The following PTPN20 variants were observed in gnomAD, a reference collection of about 807,000 sequenced individuals.
The protein encoded by PTPN20 is tyrosine-protein phosphatase non-receptor type 20.
Under a neutral mutation model 35.0 loss-of-function variants are expected in PTPN20, and 9 were observed. The observed-to-expected ratio is 0.26, with a 90% CI of 0.15 to 0.45. PTPN20 has a LOEUF of 0.45. Ranked by LOEUF, PTPN20 falls within the 20% of genes least tolerant of loss-of-function variation. The pLI is 1.00. For synonymous variants in PTPN20, 32 were observed against 100.2 expected (o/e 0.32, Z 4.06); for missense variants, 111 against 312.5 (o/e 0.36, Z 4.86).
chr10:46,999,923 G>C lies in PTPN20; in HGVS notation c.1146G>C (p.Met382Ile). Residue 382 changes from methionine (M) to isoleucine (I), a missense_variant, in exon 10 of 11, where the codon ATG becomes ATC. Transcript: ENST00000374339. ...AIVKNCSFNI[M>I]DIVAQMREQR... ...TCATCTTATTACAGTTCAACATCATGGATATAGTGGCCCAAATGAGAGAAC... is the reference window on the plus strand; with the variant it reads ...TCATCTTATTACAGTTCAACATCATCGATATAGTGGCCCAAATGAGAGAAC... 1 of 1,613,642 alleles carries C rather than the reference G, an allele frequency of 6.2e-7. No individual in the cohort carries two copies. Among genetic ancestry groups the C allele is most frequent in the East Asian group, 2.2e-5 (1 of 44,864 alleles).
At chr10:46,932,205 A>G (rs1370791599) in intron 1 of PTPN20, among the ~76,000 whole-genome samples, 172 bp from the exon 2 acceptor site, 1 of 152,130 alleles carries the variant, frequency 6.6e-6, no homozygotes, top group Non-Finnish European at 1.5e-5. Context: ...GCGTATCTCC[A>G]GTTCTCAAGG....
At chr10:46,929,153 C>G (rs1418015147) in intron 1 of PTPN20, among the ~76,000 whole-genome samples, 1 of 69,166 alleles carries the variant, frequency 1.4e-5, no homozygotes, top group African/African-American at 7.9e-5. Context: ...TTCAGTGACT[C>G]TCCAATTATG....
rs1366707195 is a variant in PTPN20, at chr10:46,947,470, C to T, written c.340+795C>T. 1.5e-3 allele frequency among the ~76,000 whole-genome samples: 230 copies of T among 149,718 alleles called. 1 individual carries two copies. Among genetic ancestry groups the T allele is most frequent in the Middle Eastern group, 3.4e-3 (1 of 292 alleles). Reference sequence around the variant, plus strand: ...TTTATAAGAATATGCTTTTATAAAACGAGACATAATTTTTAATTAATTAAA... The same window carrying T: ...TTTATAAGAATATGCTTTTATAAAATGAGACATAATTTTTAATTAATTAAA... On this transcript the variant is annotated intron_variant, in intron 5 of 10. Coordinates refer to ENST00000374339, the MANE Select transcript of PTPN20 (RefSeq NM_001042357.5).
intron 9 of PTPN20, among the ~76,000 whole-genome samples, chr10:46,988,842 A>G (rs2057348172): frequency 1.3e-5 from 2 of 149,870 alleles, no homozygotes; most frequent in Admixed American, 1.3e-4. Flanking sequence ...AATTTATCCT[A>G]GGTGTTTTTT....
At chr10:46,949,139 C>T (rs1416016682) in intron 5 of PTPN20, among the ~76,000 whole-genome samples, 3 of 152,138 alleles carry the variant, frequency 2.0e-5, no homozygotes, top group African/African-American at 7.2e-5. Flanking sequence ...CTAAGTGGGG[C>T]TTTACGCATT....
intron 7 of PTPN20, among the ~76,000 whole-genome samples, chr10:46,982,254 A>G (rs1388580691): frequency 1.3e-5 from 2 of 151,550 alleles, no homozygotes; most frequent in African/African-American, 4.8e-5. Context: ...TATGAATATA[A>G]TAGCACCTCC....
intron 5 of PTPN20, among the ~76,000 whole-genome samples, chr10:46,960,581 C>G (rs1381542936): frequency 2.6e-5 from 4 of 151,812 alleles, no homozygotes; most frequent in Non-Finnish European, 4.4e-5. Flanking sequence ...TGCCTTTTCA[C>G]ACATTGATTA....
At chr10:46,995,684 C>G (rs2058973014) in intron 9 of PTPN20, among the ~76,000 whole-genome samples, 1 of 152,200 alleles carries the variant, frequency 6.6e-6, no homozygotes, top group African/African-American at 2.4e-5. Context: ...TTTCTTCAGG[C>G]ACATGTAGTG....
chr10:47,000,581 C>G, intron 10 of PTPN20, 95 bp from the exon 11 acceptor site: 1 of 1,459,938 alleles, frequency 6.8e-7, no homozygotes, highest in South Asian at 1.2e-5. Flanking sequence ...TAGGAACTTT[C>G]CAGTGTGGCT....
rs2056985390 is a variant in PTPN20 at position 46,987,525 on chromosome 10, C to CG, written c.1105dup (p.Val369GlyfsTer43). 8 of 46,164 alleles carry CG rather than the reference C, an allele frequency of 1.7e-4. No homozygotes were observed. The highest frequency in any genetic ancestry group is 2.9e-4 in the South Asian group (2 of 6,786). The allele number at this position is 46,164 out of a possible 1,614,324, so 2.9% of individuals were successfully genotyped here. A position where few individuals can be genotyped will look rare whatever the true frequency, so the allele number is the denominator to read the frequency against. ...CAGGGGTGTTCCTATGTGTGGATGT[C>CG]GTGTTCTGTGCCATCGTAAAGAACT... On this transcript the variant is annotated frameshift_variant, in exon 9 of 11. Transcript: ENST00000374339. LOFTEE classifies it high-confidence loss of function.
chr10:46,929,565 A>T (rs2038896678), intron 1 of PTPN20, among the ~76,000 whole-genome samples: 3 of 151,780 alleles, frequency 2.0e-5, no homozygotes, highest in Non-Finnish European at 2.9e-5. Flanking sequence ...TCTTTATGGA[A>T]TTTAACTAAT....
intron 1 of PTPN20, among the ~76,000 whole-genome samples, chr10:46,931,559 C>T (rs1292522757): frequency 1.4e-5 from 2 of 142,584 alleles, no homozygotes; most frequent in Non-Finnish European, 3.0e-5. Context: ...CCACACCCGT[C>T]TAATTTTTGT....
intron 2 of PTPN20, 45 bp from the exon 3 acceptor site, chr10:46,940,578 A>G (rs1183450951): frequency 1.6e-5 from 25 of 1,532,648 alleles, no homozygotes; most frequent in African/African-American, 2.8e-5. Flanking sequence ...TTCCTTCTGT[A>G]TAGTGTTTTC....
intron 9 of PTPN20, among the ~76,000 whole-genome samples, chr10:46,995,925 C>T (rs1340287901): frequency 2.0e-5 from 3 of 152,030 alleles, no homozygotes; most frequent in African/African-American, 4.8e-5. Context: ...GTCTTCTCCT[C>T]GTATTTGATT....
chr10:46,924,228 AG>A (rs2132526305), intron 1 of PTPN20, among the ~76,000 whole-genome samples: 1 of 120,474 alleles, frequency 8.3e-6, no homozygotes, highest in Admixed American at 8.8e-5. Context: ...CTGAGATTAC[AG>A]GTGCACGGCA....
At chr10:46,929,290 T>C (rs1430085677) in intron 1 of PTPN20, among the ~76,000 whole-genome samples, 1 of 131,408 alleles carries the variant, frequency 7.6e-6, no homozygotes, top group Non-Finnish European at 1.6e-5. Flanking sequence ...TGTTCCTCTT[T>C]CCTCAGTGCT....
At chr10:46,926,813 A>G (rs1174156577) in intron 1 of PTPN20, among the ~76,000 whole-genome samples, 3 of 151,724 alleles carry the variant, frequency 2.0e-5, no homozygotes, top group African/African-American at 2.4e-5. Context: ...CTGAATAACA[A>G]GGTATGGAAA....
intron 1 of PTPN20, among the ~76,000 whole-genome samples, chr10:46,928,489 T>A (rs1199722504): frequency 6.6e-6 from 1 of 152,200 alleles, no homozygotes; most frequent in African/African-American, 2.4e-5. Flanking sequence ...TTTTATTTTA[T>A]TTTTCTTGTT....
intron 10 of PTPN20, among the ~76,000 whole-genome samples, chr10:47,000,197 G>A (rs1489420606): frequency 6.6e-6 from 1 of 152,172 alleles, no homozygotes; most frequent in African/African-American, 2.4e-5. Context: ...TAGAAGGGGA[G>A]GAGCCAAGCC....
Sources: allele counts gnomAD v4.1 joint callset (sites outside exome capture counted in the v4.1 genomes callset), GRCh38; gene constraint gnomAD v4.1.1; transcripts MANE v1.5; gene names NCBI Gene and HGNC (gene_info 2026-07-23, HGNC 2026-07-21).